ARHGAP28: variants seen among roughly 807,000 people sequenced by gnomAD.
ARHGAP28 encodes Rho GTPase activating protein 28.
A neutral mutation model predicts 90.7 loss-of-function variants in ARHGAP28; 56 were observed. The observed-to-expected ratio is 0.62, with a 90% CI of 0.50 to 0.77. ARHGAP28 has a LOEUF of 0.77. Among genes scored for constraint, ARHGAP28 ranks in the 30% least tolerant of loss-of-function variants. The pLI is 0.00. For missense variants in ARHGAP28, 869 were observed against 900.9 expected (o/e 0.96, Z 0.45); for synonymous variants, 308 against 323.3 (o/e 0.95, Z 0.51).
At position 6,841,196 on chromosome 18, in the gene ARHGAP28, TCTCTCTCCTCTC is replaced by T. The variant is rs1422948544; in HGVS notation, c.543+3790_543+3801del. ...TCTCTCTCTCCTCTCTCTCTCTCTCTCTCTCTCCTCTCCTCTCTCTCTCTCTCCCCCCAACCC... is the reference window on the plus strand; with the variant it reads ...TCTCTCTCTCCTCTCTCTCTCTCTCTCTCTCTCTCTCTCTCCCCCCAACCC... On this transcript the variant is annotated intron_variant, in intron 3 of 17. Coordinates refer to ENST00000383472, the MANE Select transcript of ARHGAP28 (RefSeq NM_001366230.1). Among the ~76,000 whole-genome samples, 421 of 63,752 alleles carry T rather than the reference TCTCTCTCCTCTC, an allele frequency of 6.6e-3. 17 individuals are homozygous for T. The highest frequency in any genetic ancestry group is 0.015 in the South Asian group (20 of 1,340). 41.8% of individuals were successfully genotyped at this position (63,752 alleles called of 152,430 possible). A position where few individuals can be genotyped will look rare whatever the true frequency, so the allele number is the denominator to read the frequency against.
chr18:6,755,368 A>G (rs1378721191), intron 1 of ARHGAP28, among the ~76,000 whole-genome samples: 2 of 152,146 alleles, frequency 1.3e-5, no homozygotes, highest in African/African-American at 4.8e-5. Flanking sequence ...TGGTTATAAT[A>G]GACTAGAAGG....
intron 5 of ARHGAP28, among the ~76,000 whole-genome samples, chr18:6,866,588 T>C (rs951634447): frequency 2.0e-5 from 3 of 152,232 alleles, no homozygotes; most frequent in Non-Finnish European, 4.4e-5. Context: ...TTACAGAAAT[T>C]AGTTCTTAAC....
intron 1 of ARHGAP28, among the ~76,000 whole-genome samples, chr18:6,746,019 G>A (rs1299090929): frequency 1.3e-5 from 2 of 152,156 alleles, no homozygotes; most frequent in Non-Finnish European, 2.9e-5. Context: ...CCAAGATTGG[G>A]ATGTAAGCAA....
intron 17 of ARHGAP28, among the ~76,000 whole-genome samples, chr18:6,909,255 C>CTT (rs1324522302): frequency 1.5e-3 from 90 of 60,040 alleles, no homozygotes; most frequent in African/African-American, 4.0e-3. Context: ...TGGGTCTTTT[C>CTT]TTTTCTTTTC....
At chr18:6,816,393 A>G (rs1447706746) in intron 1 of ARHGAP28, among the ~76,000 whole-genome samples, 25 of 152,214 alleles carry the variant, frequency 1.6e-4, no homozygotes. Context: ...GGAAGCTAAA[A>G]GGGCAGACAG....
intron 3 of ARHGAP28, among the ~76,000 whole-genome samples, chr18:6,838,587 A>G (rs559423321): frequency 6.0e-4 from 91 of 152,352 alleles, no homozygotes; most frequent in African/African-American, 2.1e-3. Context: ...GATACATATG[A>G]CTACCAACAC....
At chr18:6,879,586 T>C (rs2057161015) in intron 10 of ARHGAP28, among the ~76,000 whole-genome samples, 1 of 152,194 alleles carries the variant, frequency 6.6e-6, no homozygotes, top group Non-Finnish European at 1.5e-5. Context: ...AAAAAAGACA[T>C]TATTTCTCTC....
chr18:6,882,195 T>C lies in ARHGAP28; in HGVS notation c.1349T>C (p.Met450Thr). The C allele has an allele frequency of 6.2e-7, 1 of 1,614,068 alleles. No homozygotes were observed. The highest frequency in any genetic ancestry group is 8.5e-7 in the Non-Finnish European group (1 of 1,179,974). The change falls in exon 11 of 18, where the codon ATG becomes ACG. Residue 450 changes from methionine to threonine, a missense_variant. Coordinates refer to ENST00000383472, the MANE Select transcript of ARHGAP28 (RefSeq NM_001366230.1). The stretch of plus-strand genomic sequence containing the variant: ...GCTGATAAATTTAAATGGGACAAAA[T>C]GTGCCATAGAGAAGCTGCAGTAATG... The part of the protein sequence containing the change: ...FNADKFKWDK[M>T]CHREAAVMLK...
chr18:6,827,053 A>G (rs565042460), intron 2 of ARHGAP28, among the ~76,000 whole-genome samples: 11 of 152,308 alleles, frequency 7.2e-5, no homozygotes, highest in African/African-American at 2.6e-4. Flanking sequence ...TTATCTTAGT[A>G]CAGAACAAAA....
chr18:6,761,095 T>C (rs566539930), intron 1 of ARHGAP28, among the ~76,000 whole-genome samples: 62 of 151,758 alleles, frequency 4.1e-4, no homozygotes, highest in African/African-American at 1.3e-3. Flanking sequence ...CTTTATATAT[T>C]GTACAAAATA....
chr18:6,841,210 T>TCTCTCTCTCTCTCTCTCTCTC (rs1567966910), intron 3 of ARHGAP28, among the ~76,000 whole-genome samples: 4 of 94,372 alleles, frequency 4.2e-5, no homozygotes, highest in African/African-American at 1.5e-4. Context: ...TCTCCTCTCC[T>TCTCTCTCTCTCTCTCTCTCTC]CTCTCTCTCT....
intron 1 of ARHGAP28, among the ~76,000 whole-genome samples, chr18:6,742,469 C>T (rs2055987606): frequency 6.6e-6 from 1 of 152,138 alleles, no homozygotes. Flanking sequence ...CGTGCCCGGC[C>T]ATGACTTGGT....
rs1034920600 is a variant in ARHGAP28, at chr18:6,850,956, G to T, written c.544-78G>T. ...GCTGTACATATATATAAAAACTCTAGTGTAATGCATGTGTGAATACGCAGT... is the reference window on the plus strand; with the variant it reads ...GCTGTACATATATATAAAAACTCTATTGTAATGCATGTGTGAATACGCAGT... On this transcript the variant is annotated intron_variant, in intron 3 of 17. Coordinates refer to ENST00000383472, the MANE Select transcript of ARHGAP28 (RefSeq NM_001366230.1). 2.5e-6 allele frequency: 4 copies of T among 1,580,872 alleles called. No individual in the cohort carries two copies. The African/African-American group carries it at 5.4e-5, about 21-fold the overall frequency.
intron 5 of ARHGAP28, among the ~76,000 whole-genome samples, chr18:6,866,797 A>G (rs148956480): frequency 0.02 from 3,004 of 152,314 alleles, 45 homozygotes; most frequent in South Asian, 0.066. Flanking sequence ...AATTAAGATA[A>G]TGACACTCAG....
intron 1 of ARHGAP28, among the ~76,000 whole-genome samples, chr18:6,741,296 C>T (rs2055975369): frequency 1.3e-5 from 2 of 152,114 alleles, no homozygotes; most frequent in South Asian, 2.1e-4. Flanking sequence ...CAACTTAACT[C>T]CTCTCCCTCC....
At chr18:6,878,918 C>G (rs2057155148) in intron 10 of ARHGAP28, among the ~76,000 whole-genome samples, 1 of 152,178 alleles carries the variant, frequency 6.6e-6, no homozygotes, top group Non-Finnish European at 1.5e-5. Flanking sequence ...AATTCATCCA[C>G]TAAACTACTA....
intron 17 of ARHGAP28, among the ~76,000 whole-genome samples, chr18:6,911,759 G>A (rs1216327540): frequency 1.3e-5 from 2 of 152,008 alleles, no homozygotes; most frequent in African/African-American, 4.8e-5. Context: ...TCTAATTGAT[G>A]CCATGAAGCA....
At chr18:6,894,093 TC>T (rs1402102043) in intron 14 of ARHGAP28, among the ~76,000 whole-genome samples, 2 of 152,252 alleles carry the variant, frequency 1.3e-5, no homozygotes, top group African/African-American at 4.8e-5. Flanking sequence ...GGTCTAGATC[TC>T]CCGATCTCAT....
chr18:6,846,309 T>A (rs1016379894), intron 3 of ARHGAP28, among the ~76,000 whole-genome samples: 1 of 152,058 alleles, frequency 6.6e-6, no homozygotes, highest in Non-Finnish European at 1.5e-5. Context: ...ATGATGATGG[T>A]GTTTTGTTTC....
Sources: allele counts gnomAD v4.1 joint callset (sites outside exome capture counted in the v4.1 genomes callset), GRCh38; gene constraint gnomAD v4.1.1; transcripts MANE v1.5; gene names NCBI Gene and HGNC (gene_info 2026-07-23, HGNC 2026-07-21).